The following MPHOSPH6 variants were observed in gnomAD, a reference collection of about 807,000 sequenced individuals.
MPHOSPH6 encodes M-phase phosphoprotein 6.
In MPHOSPH6, 25 loss-of-function variants were observed where a neutral mutation model predicts 21.8. The observed-to-expected ratio is 1.15, with a 90% CI of 0.83 to 1.60. The LOEUF is 1.60. Ranked by LOEUF, MPHOSPH6 falls within the 40% of genes most tolerant of loss-of-function variation. The probability of loss-of-function intolerance (pLI) is 0.00; values close to 1 mark genes in which losing one functional copy is unlikely to be tolerated. For missense variants in MPHOSPH6, 269 were observed against 181.8 expected, an observed-to-expected ratio of 1.48 and a Z score of -2.76; for synonymous variants, 84 against 56.5, an observed-to-expected ratio of 1.49 and a Z score of -2.18.
chr16:82,156,304 T>G (rs1906426665), intron 2 of MPHOSPH6, among the ~76,000 whole-genome samples: 1 of 152,204 alleles, frequency 6.6e-6, no homozygotes, highest in African/African-American at 2.4e-5. Context: ...GTTAATGATG[T>G]GCATGCTGCA....
intron 2 of MPHOSPH6, among the ~76,000 whole-genome samples, chr16:82,152,220 T>A (rs1185251892): frequency 1.3e-5 from 2 of 152,136 alleles, no homozygotes; most frequent in East Asian, 3.8e-4. Context: ...TTTCAAAAAA[T>A]TTCAATAGTT....
At chr16:82,161,080 C>A (rs1906592628) in intron 2 of MPHOSPH6, among the ~76,000 whole-genome samples, 1 of 152,178 alleles carries the variant, frequency 6.6e-6, no homozygotes, top group Non-Finnish European at 1.5e-5. Context: ...CACAACTTTC[C>A]ACTCTTCATC....
intron 2 of MPHOSPH6, among the ~76,000 whole-genome samples, chr16:82,153,786 A>C (rs1232622302): frequency 6.6e-6 from 1 of 152,222 alleles, no homozygotes; most frequent in Admixed American, 6.5e-5. Context: ...CTGCTGTAAC[A>C]AATTTAAGCT....
chr16:82,150,438 C>T (rs1384036036), intron 3 of MPHOSPH6, among the ~76,000 whole-genome samples: 1 of 152,134 alleles, frequency 6.6e-6, no homozygotes, highest in Non-Finnish European at 1.5e-5. Flanking sequence ...AACATAACAC[C>T]TTAATTATCA....
chr16:82,164,928 A>C (rs1462105266), intron 1 of MPHOSPH6: 1 of 152,130 alleles, frequency 6.6e-6, no homozygotes, highest in Non-Finnish European at 1.5e-5. Flanking sequence ...CACTAGCATG[A>C]ATACCTGTAT....
At position 82,162,847 on chromosome 16, in the gene MPHOSPH6, T is replaced by A. The variant is rs150673976; in HGVS notation, c.164+1235A>T. On this transcript the variant is annotated intron_variant, in intron 2 of 4. Coordinates refer to ENST00000258169, the MANE Select transcript of MPHOSPH6 (RefSeq NM_005792.2). ...TGTAAAGGTCATTTTCTGGGAATAA[T>A]ATGCTGTATTAGGGGAAAAATACTG... Among the ~76,000 whole-genome samples the A allele has an allele frequency of 5.1e-4, 78 of 152,332 alleles. 2 individuals are homozygous for A. The South Asian group carries it at 0.014, about 28-fold the overall frequency.
At chr16:82,156,347 A>G (rs1188595003) in intron 2 of MPHOSPH6, among the ~76,000 whole-genome samples, 4 of 152,230 alleles carry the variant, frequency 2.6e-5, no homozygotes, top group African/African-American at 4.8e-5. Context: ...GATGTCTGCA[A>G]CTTACTGCAT....
chr16:82,167,760 T>C (rs1221191529), intron 1 of MPHOSPH6, among the ~76,000 whole-genome samples: 1 of 152,150 alleles, frequency 6.6e-6, no homozygotes, highest in Non-Finnish European at 1.5e-5. Flanking sequence ...CAGGTGGTAA[T>C]GCAAGCTATG....
At chr16:82,161,175 G>C (rs1906595238) in intron 2 of MPHOSPH6, among the ~76,000 whole-genome samples, 1 of 152,172 alleles carries the variant, frequency 6.6e-6, no homozygotes, top group South Asian at 2.1e-4. Flanking sequence ...TAAAACTTTT[G>C]TGAAATAAAA....
At chr16:82,157,776 G>A (rs554937944) in intron 2 of MPHOSPH6, among the ~76,000 whole-genome samples, 14 of 152,210 alleles carry the variant, frequency 9.2e-5, no homozygotes, top group African/African-American at 2.9e-4. Context: ...AGCAAGATAT[G>A]AGGATGCCCA....
chr16:82,166,711 T>A (rs531414628), intron 1 of MPHOSPH6, among the ~76,000 whole-genome samples: 45 of 152,338 alleles, frequency 3.0e-4, no homozygotes, highest in Non-Finnish European at 5.9e-4. Flanking sequence ...AGATTCTCTT[T>A]CTGGGATGGT....
intron 2 of MPHOSPH6, among the ~76,000 whole-genome samples, chr16:82,154,192 G>T (rs137977899): frequency 6.6e-6 from 1 of 152,192 alleles, no homozygotes; most frequent in African/African-American, 2.4e-5. Flanking sequence ...GCAAGGAAAT[G>T]TTTGAGTTCT....
In MPHOSPH6 at chr16:82,153,916, T is replaced by C. The variant is rs570290349; in HGVS notation, c.165-2402A>G. ...CCACGGTTACAAGGCCTTCTGTGTG[T>C]CAAATCTTCCTCACCTCTCCTCCTT... On this transcript the variant is annotated intron_variant, in intron 2 of 4. Coordinates refer to ENST00000258169, the MANE Select transcript of MPHOSPH6 (RefSeq NM_005792.2). 2.0e-5 allele frequency among the ~76,000 whole-genome samples: 3 copies of C among 152,306 alleles called. No homozygotes were observed. The South Asian group carries it at 6.2e-4, about 32-fold the overall frequency.
At chr16:82,152,820 C>A (rs183042729) in intron 2 of MPHOSPH6, among the ~76,000 whole-genome samples, 1 of 152,258 alleles carries the variant, frequency 6.6e-6, no homozygotes, top group East Asian at 1.9e-4. Context: ...TGGCCATAAA[C>A]CCTAAAGCAT....
chr16:82,167,366 T>G (rs1284443535), intron 1 of MPHOSPH6, among the ~76,000 whole-genome samples: 2 of 152,198 alleles, frequency 1.3e-5, no homozygotes. Context: ...GCCTAAAAAG[T>G]GGTCCCCAAC....
chr16:82,151,451 T>G lies in MPHOSPH6; in HGVS notation c.228A>C (p.Ser76=). The change falls in exon 3 of 5, where the codon TCA becomes TCC. Residue 76 remains serine, a synonymous_variant. Transcript: ENST00000258169. ...LCEDLLYGRM[S]FRGFNPEVEK... Reference sequence around the variant, plus strand: ...CAACCTCAGGATTAAATCCTCTGAATGACATTCTTCCATAGAGAAGATCTT... The same window carrying G: ...CAACCTCAGGATTAAATCCTCTGAAGGACATTCTTCCATAGAGAAGATCTT... The G allele has an allele frequency of 6.2e-7, 1 of 1,607,344 alleles. No individual in the cohort carries two copies. Among genetic ancestry groups the G allele is most frequent in the Non-Finnish European group, 8.5e-7 (1 of 1,177,290 alleles).
chr16:82,168,155 T>A (rs148436182), intron 1 of MPHOSPH6, among the ~76,000 whole-genome samples: 4 of 152,330 alleles, frequency 2.6e-5, no homozygotes, highest in African/African-American at 9.6e-5. Context: ...TCTTCTTAGT[T>A]GCAACTCGGA....
At chr16:82,152,090 A>G (rs1906282911) in intron 2 of MPHOSPH6, among the ~76,000 whole-genome samples, 1 of 152,252 alleles carries the variant, frequency 6.6e-6, no homozygotes, top group African/African-American at 2.4e-5. Flanking sequence ...CTCCTTACCA[A>G]GAGGATAAAA....
chr16:82,149,721 A>G (rs1906202377), intron 3 of MPHOSPH6, among the ~76,000 whole-genome samples: 1 of 152,232 alleles, frequency 6.6e-6, no homozygotes, highest in African/African-American at 2.4e-5. Context: ...GTGGGGGAAG[A>G]AATAATAAAC....
Sources: allele counts gnomAD v4.1 joint callset (sites outside exome capture counted in the v4.1 genomes callset), GRCh38; gene constraint gnomAD v4.1.1; transcripts MANE v1.5; gene names NCBI Gene and HGNC (gene_info 2026-07-23, HGNC 2026-07-21).